COMMD1: variants seen among roughly 807,000 people sequenced by gnomAD.
COMMD1 encodes COMM domain-containing protein 1.
In COMMD1, 10 loss-of-function variants were observed where a neutral mutation model predicts 17.2. The ratio of observed to expected loss-of-function variants is 0.58; its 90% CI spans 0.36 to 0.99. The LOEUF is 0.99. COMMD1 is among the 50% of genes least tolerant of loss of function. The probability of loss-of-function intolerance (pLI) is 0.01; values close to 1 mark genes in which losing one functional copy is unlikely to be tolerated. For missense variants in COMMD1, 270 were observed against 231.8 expected, an observed-to-expected ratio of 1.17 and a Z score of -1.07; for synonymous variants, 97 against 91.6, an observed-to-expected ratio of 1.06 and a Z score of -0.34.
At position 61,920,636 on chromosome 2, in the gene COMMD1, A is replaced by T. The variant is rs115350216; in HGVS notation, c.180+14778A>T. 6.9e-3 allele frequency among the ~76,000 whole-genome samples: 1,052 copies of T among 152,228 alleles called. 9 individuals are homozygous for T. The highest frequency in any genetic ancestry group is 0.011 in the Non-Finnish European group (752 of 68,016). ...AAGAAAGGAGTCCTATTCAAAAATG[A>T]CAACTGAGATGGTAAGTTAGTTACT... On this transcript the variant is annotated intron_variant, in intron 1 of 2. Transcript: ENST00000311832.
At chr2:61,926,228 C>A (rs1464275292) in intron 1 of COMMD1, among the ~76,000 whole-genome samples, 1 of 152,112 alleles carries the variant, frequency 6.6e-6, no homozygotes, top group South Asian at 2.1e-4. Context: ...GCCTCGGCCT[C>A]CTGAATTGTT....
intron 1 of COMMD1, among the ~76,000 whole-genome samples, chr2:61,923,974 G>A (rs544221698): frequency 6.6e-6 from 1 of 152,168 alleles, no homozygotes; most frequent in South Asian, 2.1e-4. Context: ...ATGGGGTTTC[G>A]CCATGTTGCC....
At chr2:62,045,850 C>T (rs1670370980) in intron 2 of COMMD1, among the ~76,000 whole-genome samples, 1 of 150,018 alleles carries the variant, frequency 6.7e-6, no homozygotes, top group Admixed American at 6.7e-5. Context: ...AATTCTCCTG[C>T]CTCAGCCTCC....
chr2:62,034,676 T>C (rs980888033), intron 2 of COMMD1, among the ~76,000 whole-genome samples: 1 of 152,194 alleles, frequency 6.6e-6, no homozygotes, highest in Admixed American at 6.5e-5. Flanking sequence ...GAAGTTGTTA[T>C]AGTATAAAAT....
At chr2:62,111,376 G>A (rs1672450410) in intron 2 of COMMD1, among the ~76,000 whole-genome samples, 1 of 152,190 alleles carries the variant, frequency 6.6e-6, no homozygotes, top group African/African-American at 2.4e-5. Context: ...AGGGAAAACT[G>A]TCTGTTTTTA....
intron 1 of COMMD1, among the ~76,000 whole-genome samples, chr2:61,951,677 A>G (rs1671058077): frequency 6.6e-6 from 1 of 152,172 alleles, no homozygotes. Flanking sequence ...ATATAATTTG[A>G]TAAAGGGACA....
chr2:61,927,396 T>G (rs781641388), intron 1 of COMMD1, among the ~76,000 whole-genome samples: 35 of 151,526 alleles, frequency 2.3e-4, no homozygotes, highest in Non-Finnish European at 4.4e-4. Context: ...ATTTTTTGTT[T>G]GTTTGTTTGT....
At chr2:61,892,356 C>T (rs905169212) in intron 1 of COMMD1, among the ~76,000 whole-genome samples, 2 of 151,836 alleles carry the variant, frequency 1.3e-5, no homozygotes, top group African/African-American at 4.8e-5. Context: ...TGTCCTAGAC[C>T]CTCAATAATA....
Position 61,897,322 on chromosome 2 carries a change from T to G in COMMD1, n.119+8480T>G, listed in dbSNP as rs188262089. ...AATCATATGGCTCAAACTGCTTCTT[T>G]GGGTCATTTCCTTATGAAGGCTCCT... On this transcript the variant is annotated intron_variant and non_coding_transcript_variant, in intron 1 of 2. Transcript: ENST00000472729. Among the ~76,000 whole-genome samples, 774 of 152,346 alleles carry G rather than the reference T, an allele frequency of 5.1e-3. 6 individuals carry two copies. The highest frequency in any genetic ancestry group is 0.016 in the African/African-American group (670 of 41,586).
chr2:62,020,683 T>C (rs973276437), intron 2 of COMMD1, among the ~76,000 whole-genome samples: 4 of 152,136 alleles, frequency 2.6e-5, no homozygotes, highest in African/African-American at 7.2e-5. Flanking sequence ...TGAGAGGCAA[T>C]AGCTTTTAGC....
chr2:61,974,857 A>G (rs967582943), intron 1 of COMMD1, among the ~76,000 whole-genome samples: 11 of 151,942 alleles, frequency 7.2e-5, no homozygotes, highest in Non-Finnish European at 1.3e-4. Context: ...TGATGACCCA[A>G]TATTGATGTT....
chr2:62,018,047 CAA>C (rs111400389), intron 2 of COMMD1, among the ~76,000 whole-genome samples: 9 of 132,262 alleles, frequency 6.8e-5, no homozygotes, highest in Non-Finnish European at 9.8e-5. Context: ...TGACCTATCT[CAA>C]AAAAAAAAAA....
At chr2:62,076,094 G>T (rs1671330798) in intron 2 of COMMD1, among the ~76,000 whole-genome samples, 1 of 152,222 alleles carries the variant, frequency 6.6e-6, no homozygotes, top group South Asian at 2.1e-4. Flanking sequence ...AAAGGACTCA[G>T]CTTCTCTCAT....
intron 2 of COMMD1, among the ~76,000 whole-genome samples, chr2:62,050,556 T>C (rs1457083848): frequency 6.6e-6 from 1 of 152,238 alleles, no homozygotes; most frequent in Non-Finnish European, 1.5e-5. Flanking sequence ...TCTTCTCTGC[T>C]ACTATGTTTT....
intron 1 of COMMD1, among the ~76,000 whole-genome samples, chr2:61,908,351 C>T (rs537499534): frequency 1.3e-5 from 2 of 151,800 alleles, no homozygotes; most frequent in South Asian, 2.1e-4. Flanking sequence ...CTCAGCCTCC[C>T]GAGTAGCTGG....
chr2:62,067,534 A>G (rs1236640386), intron 2 of COMMD1, among the ~76,000 whole-genome samples: 1 of 152,220 alleles, frequency 6.6e-6, no homozygotes, highest in Non-Finnish European at 1.5e-5. Flanking sequence ...AAGCTTGCAA[A>G]TTTATTTAAT....
intron 1 of COMMD1, among the ~76,000 whole-genome samples, chr2:61,976,897 C>T (rs1042961201): frequency 6.0e-5 from 9 of 150,546 alleles, no homozygotes; most frequent in African/African-American, 9.8e-5. Context: ...GGTGTGGTCT[C>T]GGCTCACTGG....
chr2:62,105,564 C>T (rs920576575), intron 2 of COMMD1, among the ~76,000 whole-genome samples: 4 of 152,188 alleles, frequency 2.6e-5, no homozygotes, highest in African/African-American at 9.7e-5. Flanking sequence ...TGGCTCACGC[C>T]TATAATCCCA....
At chr2:62,038,057 G>A (rs1040691305) in intron 2 of COMMD1, among the ~76,000 whole-genome samples, 2 of 152,204 alleles carry the variant, frequency 1.3e-5, no homozygotes, top group African/African-American at 4.8e-5. Flanking sequence ...GAGAGGCCGA[G>A]ATGGGAGGAT....
Sources: allele counts gnomAD v4.1 joint callset (sites outside exome capture counted in the v4.1 genomes callset), GRCh38; gene constraint gnomAD v4.1.1; transcripts MANE v1.5; gene names NCBI Gene and HGNC (gene_info 2026-07-23, HGNC 2026-07-21).